Variants in ZPBP observed in about 807,000 individuals in gnomAD.
ZPBP encodes the protein zona pellucida-binding protein 1.
In ZPBP, 26 loss-of-function variants were observed where a neutral mutation model predicts 44.8. That is an observed-to-expected ratio of 0.58 (90% CI 0.43 to 0.81). ZPBP has a LOEUF of 0.81. ZPBP is among the 30% of genes least tolerant of loss of function. ZPBP has a pLI of 0.00. For missense variants in ZPBP, 409 were observed against 434.0 expected (o/e 0.94, Z 0.51); for synonymous variants, 174 against 153.2 (o/e 1.14, Z -1.00).
In ZPBP at chr7:49,946,436, T is replaced by C. The variant is rs551557510; in HGVS notation, c.962-8814A>G. On this transcript the variant is annotated intron_variant, in intron 7 of 7. Coordinates refer to ENST00000046087, the MANE Select transcript of ZPBP (RefSeq NM_007009.3). ...TGGGGAAGTCTTTATTTCTTCTCCA[T>C]GTTTGAAGAATATTTTTGCCAGATA... Among the ~76,000 whole-genome samples, 36 of 152,256 alleles carry C rather than the reference T, an allele frequency of 2.4e-4. No individual in the cohort carries two copies. The South Asian group carries it at 7.5e-3, about 32-fold the overall frequency.
chr7:50,077,748 C>T (rs1054974794), intron 3 of ZPBP, among the ~76,000 whole-genome samples: 1 of 151,710 alleles, frequency 6.6e-6, no homozygotes, highest in Non-Finnish European at 1.5e-5. Context: ...ATAACAAGTG[C>T]TGGTGAGGAT....
At chr7:50,002,360 T>C (rs1798137518) in intron 6 of ZPBP, among the ~76,000 whole-genome samples, 2 of 152,072 alleles carry the variant, frequency 1.3e-5, no homozygotes, top group African/African-American at 4.8e-5. Context: ...GTGGAGATTA[T>C]TACAATTCAA....
intron 1 of ZPBP, among the ~76,000 whole-genome samples, chr7:49,904,337 T>C (rs1007344266): frequency 6.6e-6 from 1 of 152,240 alleles, no homozygotes; most frequent in South Asian, 2.1e-4. Flanking sequence ...GCTGTAACTT[T>C]GGGAAAAAAA....
chr7:49,941,448 G>A (rs544024409), intron 7 of ZPBP, among the ~76,000 whole-genome samples: 1 of 152,200 alleles, frequency 6.6e-6, no homozygotes, highest in African/African-American at 2.4e-5. Context: ...ATTCAGCAAA[G>A]TAGTAGGATA....
intron 3 of ZPBP, among the ~76,000 whole-genome samples, chr7:50,080,699 TTTGA>T (rs1273048639): frequency 6.6e-6 from 1 of 151,764 alleles, no homozygotes; most frequent in Non-Finnish European, 1.5e-5. Flanking sequence ...AAAAATAAAA[TTTGA>T]TTGTATTTCC....
At chr7:49,855,784 C>A (rs1487552656) in intron 2 of ZPBP, among the ~76,000 whole-genome samples, 1 of 152,194 alleles carries the variant, frequency 6.6e-6, no homozygotes, top group Non-Finnish European at 1.5e-5. Flanking sequence ...CCCAGCCCTC[C>A]CAGCTGCCCT....
At chr7:49,985,641 CAA>C (rs199820024) in intron 6 of ZPBP, among the ~76,000 whole-genome samples, 61,871 of 120,368 alleles carry the variant, frequency 0.51, 14,132 homozygotes, top group East Asian at 0.68. Context: ...ATACCCCATG[CAA>C]AAAAAAAAAA....
intron 4 of ZPBP, among the ~76,000 whole-genome samples, chr7:50,034,594 T>C (rs1182254932): frequency 1.3e-5 from 2 of 151,950 alleles, no homozygotes; most frequent in Non-Finnish European, 2.9e-5. Flanking sequence ...GTGTTTTCCA[T>C]AAAAATGATT....
At chr7:50,066,937 C>T (rs1392853005) in intron 3 of ZPBP, among the ~76,000 whole-genome samples, 4 of 152,264 alleles carry the variant, frequency 2.6e-5, no homozygotes, top group South Asian at 4.2e-4. Flanking sequence ...TCACTACTGC[C>T]GCTGATTTTA....
chr7:49,946,413 G>T (rs768039287), intron 7 of ZPBP, among the ~76,000 whole-genome samples: 1 of 151,868 alleles, frequency 6.6e-6, no homozygotes, highest in South Asian at 2.1e-4. Flanking sequence ...TGTTTTTCTG[G>T]GGAAGTCTTT....
intron 3 of ZPBP, among the ~76,000 whole-genome samples, chr7:50,072,004 A>C (rs1263670570): frequency 6.6e-6 from 1 of 152,158 alleles, no homozygotes; most frequent in Non-Finnish European, 1.5e-5. Context: ...GGAAAACTAA[A>C]GGGCACTTTG....
At chr7:49,887,020 C>T (rs1242647384) in intron 2 of ZPBP, among the ~76,000 whole-genome samples, 2 of 151,758 alleles carry the variant, frequency 1.3e-5, no homozygotes, top group Non-Finnish European at 2.9e-5. Flanking sequence ...ATTTTAAGTA[C>T]TTTTTTGCAG....
intron 4 of ZPBP, among the ~76,000 whole-genome samples, chr7:50,053,915 A>G (rs1232454005): frequency 6.6e-6 from 1 of 152,178 alleles, no homozygotes; most frequent in Non-Finnish European, 1.5e-5. Context: ...TCTAAGGCAG[A>G]GTCTCACTCT....
chr7:49,950,311 G>C (rs1795284123), intron 7 of ZPBP, among the ~76,000 whole-genome samples: 1 of 151,820 alleles, frequency 6.6e-6, no homozygotes, highest in African/African-American at 2.4e-5. Context: ...TAGATTCTCA[G>C]TCTTGATATT....
intron 1 of ZPBP, chr7:49,917,932 T>C (rs937163440): frequency 1.1e-4 from 16 of 152,148 alleles, no homozygotes; most frequent in African/African-American, 3.9e-4. Flanking sequence ...GTTTTCAGGG[T>C]TTATTCTTTT....
At chr7:49,851,167 C>T (rs528474091) in intron 2 of ZPBP, among the ~76,000 whole-genome samples, 1 of 152,348 alleles carries the variant, frequency 6.6e-6, no homozygotes, top group Non-Finnish European at 1.5e-5. Flanking sequence ...TCACTGCAGG[C>T]TCTGCCTCCG....
chr7:50,050,016 TAATA>T (rs1366792466), intron 4 of ZPBP, among the ~76,000 whole-genome samples: 3 of 151,798 alleles, frequency 2.0e-5, no homozygotes, highest in Non-Finnish European at 4.4e-5. Context: ...GTTTAAAATA[TAATA>T]TTTATAATTA....
intron 4 of ZPBP, among the ~76,000 whole-genome samples, chr7:50,043,124 T>A (rs1911772): frequency 0.8 from 121,023 of 152,176 alleles, 48,212 homozygotes; most frequent in East Asian, 0.92. Flanking sequence ...CCTTAAGGAC[T>A]TGCTCCTTCT....
At chr7:49,947,264 T>G (rs1458756022) in intron 7 of ZPBP, among the ~76,000 whole-genome samples, 1 of 152,162 alleles carries the variant, frequency 6.6e-6, no homozygotes, top group Non-Finnish European at 1.5e-5. Context: ...GGATGTTTGT[T>G]GATGTCTTGG....
Sources: gnomAD v4.1 joint callset for allele counts (sites outside exome capture counted in the v4.1 genomes callset) on GRCh38, gnomAD v4.1.1 for gene constraint, MANE v1.5 for transcripts, NCBI Gene and HGNC (gene_info 2026-07-23, HGNC 2026-07-21) for gene names.